The following STYK1 variants were observed in gnomAD, a reference collection of about 807,000 sequenced individuals.
The protein encoded by STYK1 is tyrosine-protein kinase STYK1.
A neutral mutation model predicts 48.1 loss-of-function variants in STYK1; 46 were observed. The observed-to-expected ratio is 0.96, with a 90% CI of 0.75 to 1.22. The LOEUF (loss-of-function observed/expected upper bound fraction) is 1.22. Among genes scored for constraint, STYK1 ranks in the 50% most tolerant of loss-of-function variants. STYK1 has a pLI of 0.00. For missense variants in STYK1, 527 were observed against 521.1 expected (o/e 1.01, Z -0.11); for synonymous variants, 188 against 189.0 (o/e 0.99, Z 0.04).
intron 6 of STYK1, among the ~76,000 whole-genome samples, chr12:10,628,622 G>A (rs1302272521): frequency 6.6e-6 from 1 of 152,162 alleles, no homozygotes; most frequent in African/African-American, 2.4e-5. Flanking sequence ...AGCATATGAA[G>A]GAGGCTCAAA....
At chr12:10,659,886 A>G (rs190708878) in intron 1 of STYK1, among the ~76,000 whole-genome samples, 3 of 152,312 alleles carry the variant, frequency 2.0e-5, no homozygotes, top group African/African-American at 4.8e-5. Flanking sequence ...TTCAAGAACT[A>G]TGGTACACCT....
Position 10,620,174 on chromosome 12 carries a change from C to G in STYK1, c.1239G>C (p.Glu413Asp), listed in dbSNP as rs891921452. 2 of 1,614,214 alleles carry G rather than the reference C, an allele frequency of 1.2e-6. No homozygotes were observed. Among genetic ancestry groups the G allele is most frequent in the South Asian group, 1.1e-5 (1 of 91,084 alleles). ...LYAAVAGIRV[E>D]SLFYNYSML ...GCATGCTATAGTTGTAGAAGAGGCT[C>G]TCCACTCTGATGCCGGCCACAGCTG... The change falls in exon 11 of 11, where the codon GAG (glutamate) becomes GAC (aspartate). Residue 413 changes from glutamate (E) to aspartate (D), a missense_variant. Coordinates refer to ENST00000075503, the MANE Select transcript of STYK1 (RefSeq NM_018423.3).
chr12:10,655,858 T>C (rs577481299), intron 1 of STYK1, among the ~76,000 whole-genome samples: 1 of 152,344 alleles, frequency 6.6e-6, no homozygotes, highest in South Asian at 2.1e-4. Context: ...AAGTCAGCTT[T>C]AATTAAAAGA....
intron 1 of STYK1, among the ~76,000 whole-genome samples, chr12:10,647,177 G>T (rs1216462111): frequency 6.6e-6 from 1 of 152,222 alleles, no homozygotes; most frequent in East Asian, 1.9e-4. Context: ...TCCACCAACA[G>T]CTTGCACCAT....
Position 10,624,783 on chromosome 12 carries a change from G to C in STYK1, c.794C>G (p.Ala265Gly). The change falls in exon 8 of 11, where the codon GCT (alanine) becomes GGT (glycine). Residue 265 changes from alanine (A) to glycine (G), a missense_variant. Ala to Gly is a moderately conservative substitution (Grantham distance 60, BLOSUM62 0). Transcript: ENST00000075503. Reference sequence around the variant, plus strand: ...AGCCAGGCCTAATCCACAGAGCTTAGCAGTGAGATCACTTTGCATCAGAAT... The same window carrying C: ...AGCCAGGCCTAATCCACAGAGCTTACCAGTGAGATCACTTTGCATCAGAAT... ...RNILMQSDLT[A>G]KLCGLGLAYE... 1.2e-6 allele frequency: 2 copies of C among 1,614,096 alleles called. No homozygotes were observed. The highest frequency in any genetic ancestry group is 1.7e-6 in the Non-Finnish European group (2 of 1,180,004).
At chr12:10,644,672 G>A (rs1947580484) in intron 1 of STYK1, among the ~76,000 whole-genome samples, 2 of 152,126 alleles carry the variant, frequency 1.3e-5, no homozygotes, top group East Asian at 1.9e-4. Context: ...ATAATGGATT[G>A]GAAACCTTGA....
chr12:10,658,458 G>A (rs1947742096), intron 1 of STYK1, among the ~76,000 whole-genome samples: 2 of 152,194 alleles, frequency 1.3e-5, no homozygotes, highest in African/African-American at 4.8e-5. Flanking sequence ...CTATTAATGA[G>A]TAAAGTTTTT....
Position 10,624,683 on chromosome 12 carries a change from A to ACCT in STYK1, c.893_894insAGG (p.Leu298_Leu299insGly). On this transcript the variant is annotated inframe_insertion, in exon 8 of 11. Transcript: ENST00000075503. ...CTCTGATGCTAGCAGGTCTCAGGAGAAGCCGTTCTGGGGCAAGCCACTTGA... is the reference window on the plus strand; with the variant it reads ...CTCTGATGCTAGCAGGTCTCAGGAGACCTAGCCGTTCTGGGGCAAGCCACTTGA... The ACCT allele has an allele frequency of 6.2e-7, 1 of 1,614,150 alleles. No homozygotes were observed. Among genetic ancestry groups the ACCT allele is most frequent in the East Asian group, 2.2e-5 (1 of 44,870 alleles).
chr12:10,670,427 A>G (rs556293967), intron 1 of STYK1, among the ~76,000 whole-genome samples: 42 of 152,306 alleles, frequency 2.8e-4, no homozygotes, highest in Non-Finnish European at 4.9e-4. Flanking sequence ...AATTGACAAC[A>G]TGGATGAACC....
At chr12:10,634,470 A>T in intron 3 of STYK1, 97 bp downstream of exon 3, 1 of 1,348,218 alleles carries the variant, frequency 7.4e-7, no homozygotes, top group Non-Finnish European at 1.1e-6. Flanking sequence ...CTTCATTTCT[A>T]CTGGAAATCA....
Position 10,659,298 on chromosome 12 carries a change from A to G in STYK1, c.-195+14668T>C, listed in dbSNP as rs1375226336. Reference sequence around the variant, plus strand: ...TTTAGAGCATATTTCTCTCTATCTGATTTCTCCAGAATTTGGAAACTATTT... The same window carrying G: ...TTTAGAGCATATTTCTCTCTATCTGGTTTCTCCAGAATTTGGAAACTATTT... On this transcript the variant is annotated intron_variant, in intron 1 of 10. Coordinates refer to ENST00000075503, the MANE Select transcript of STYK1 (RefSeq NM_018423.3). Among the ~76,000 whole-genome samples, 3 of 152,200 alleles carry G rather than the reference A, an allele frequency of 2.0e-5. No individual in the cohort carries two copies. In the East Asian group the frequency reaches 5.8e-4, roughly 29 times the overall value.
At chr12:10,639,510 G>A (rs1403052194) in intron 1 of STYK1, among the ~76,000 whole-genome samples, 1 of 152,000 alleles carries the variant, frequency 6.6e-6, no homozygotes, top group Non-Finnish European at 1.5e-5. Flanking sequence ...CGTCTCCCAG[G>A]TTCCAGCAAT....
In STYK1 at chr12:10,627,623, C is replaced by T; in HGVS notation, c.717+18G>A. On this transcript the variant is annotated intron_variant, in intron 7 of 10. Coordinates refer to ENST00000075503, the MANE Select transcript of STYK1 (RefSeq NM_018423.3). ...AAGGAAACGTCACACCATCAGTTGTCATGTTGCCTCATCTTACCAGCGCCA... is the reference window on the plus strand; with the variant it reads ...AAGGAAACGTCACACCATCAGTTGTTATGTTGCCTCATCTTACCAGCGCCA... The T allele has an allele frequency of 6.2e-7, 1 of 1,604,036 alleles. No individual in the cohort carries two copies. The highest frequency in any genetic ancestry group is 8.5e-7 in the Non-Finnish European group (1 of 1,174,978).
intron 1 of STYK1, among the ~76,000 whole-genome samples, chr12:10,650,031 A>G (rs7954554): frequency 0.98 from 147,158 of 150,524 alleles, 72,012 homozygotes; most frequent in South Asian, 1. Flanking sequence ...GGAGAATGGC[A>G]TCAACCCAAG....
At chr12:10,656,103 G>C (rs1268947682) in intron 1 of STYK1, among the ~76,000 whole-genome samples, 1 of 152,094 alleles carries the variant, frequency 6.6e-6, no homozygotes, top group Non-Finnish European at 1.5e-5. Flanking sequence ...CTGTTCTTGT[G>C]ATACTGAATA....
chr12:10,665,352 C>A (rs940006911), intron 1 of STYK1, among the ~76,000 whole-genome samples: 3 of 152,216 alleles, frequency 2.0e-5, no homozygotes, highest in Non-Finnish European at 4.4e-5. Context: ...CCGTAGAATG[C>A]CCTATGTGTA....
intron 1 of STYK1, among the ~76,000 whole-genome samples, chr12:10,645,330 G>A (rs756394547): frequency 3.7e-4 from 56 of 152,152 alleles, no homozygotes; most frequent in African/African-American, 1.3e-3. Flanking sequence ...TGATCTTTGC[G>A]ACCTATATGA....
chr12:10,650,848 T>C (rs1203360984), intron 1 of STYK1, among the ~76,000 whole-genome samples: 1 of 151,216 alleles, frequency 6.6e-6, no homozygotes, highest in African/African-American at 2.4e-5. Flanking sequence ...TAAAAAAAAA[T>C]ACAAGAATTA....
intron 1 of STYK1, among the ~76,000 whole-genome samples, chr12:10,640,911 C>T (rs181588724): frequency 1.5e-4 from 23 of 152,262 alleles, no homozygotes; most frequent in Admixed American, 1.3e-4. Flanking sequence ...AATATGGTTT[C>T]GCAGATAAAC....
Sources: allele counts gnomAD v4.1 joint callset (sites outside exome capture counted in the v4.1 genomes callset), GRCh38; gene constraint gnomAD v4.1.1; transcripts MANE v1.5; gene names NCBI Gene and HGNC (gene_info 2026-07-23, HGNC 2026-07-21).